DCAF1: variants seen among roughly 807,000 people sequenced by gnomAD.
DCAF1 encodes the protein DDB1- and CUL4-associated factor 1.
Under a neutral mutation model 128.0 loss-of-function variants are expected in DCAF1, and 15 were observed. The ratio of observed to expected loss-of-function variants is 0.12; its 90% confidence interval spans 0.08 to 0.18. The LOEUF (loss-of-function observed/expected upper bound fraction) is 0.18. DCAF1 is among the 10% of genes least tolerant of loss of function. The pLI, the probability that DCAF1 is intolerant of heterozygous loss-of-function variation, is 1.00. For missense variants in DCAF1, 988 were observed against 1,649.5 expected (o/e 0.60, Z 6.95); for synonymous variants, 610 against 603.0 (o/e 1.01, Z -0.17).
At chr3:51,498,376 G>GAA (rs1175129153) in intron 1 of DCAF1, among the ~76,000 whole-genome samples, 56 of 77,854 alleles carry the variant, frequency 7.2e-4, no homozygotes, top group East Asian at 2.2e-3. Context: ...AAAGAAAAAA[G>GAA]AAAAAAAAAA....
chr3:51,456,390 T>C (rs144920960), intron 6 of DCAF1, among the ~76,000 whole-genome samples: 1,584 of 152,264 alleles, frequency 0.01, 19 homozygotes, highest in Non-Finnish European at 0.018. Context: ...GTTAGTTGTT[T>C]GATTAGGTAA....
chr3:51,480,232 T>C (rs1418260979), intron 3 of DCAF1, among the ~76,000 whole-genome samples: 4 of 151,896 alleles, frequency 2.6e-5, no homozygotes, highest in African/African-American at 9.7e-5. Context: ...AGGCCTGCCA[T>C]GCAGACATGC....
At chr3:51,432,027 C>G (rs1700433364) in intron 10 of DCAF1, among the ~76,000 whole-genome samples, 1 of 150,794 alleles carries the variant, frequency 6.6e-6, no homozygotes, top group African/African-American at 2.4e-5. Flanking sequence ...AATCCCAGCA[C>G]TTTGGGAGGC....
intron 22 of DCAF1, 108 bp downstream of exon 22, chr3:51,412,885 G>C: frequency 6.7e-7 from 1 of 1,481,794 alleles, no homozygotes; most frequent in African/African-American, 1.4e-5. Flanking sequence ...CTACCTTCAG[G>C]AATGTATTGA....
At chr3:51,399,698 G>T (rs903111356) in intron 24 of DCAF1, among the ~76,000 whole-genome samples, 1 of 152,154 alleles carries the variant, frequency 6.6e-6, no homozygotes, top group South Asian at 2.1e-4. Flanking sequence ...AGCTTGTAGG[G>T]ACTCTAATAT....
At chr3:51,475,062 C>A (rs1331063965) in intron 3 of DCAF1, among the ~76,000 whole-genome samples, 25 of 151,886 alleles carry the variant, frequency 1.6e-4, no homozygotes, top group African/African-American at 5.8e-4. Context: ...GGATTACAGG[C>A]GTGAGACACT....
Position 51,416,781 on chromosome 3 carries a change from A to G in DCAF1, c.3603+6T>C, listed in dbSNP as rs1698920960. 6.2e-7 allele frequency: 1 copy of G among 1,607,378 alleles called. No individual in the cohort carries two copies. ...AGCTTGAAAACAGTGGTTCTTAAGT[A>G]CTTACGTGGGCAATGTCTCCTTTTG... On this transcript the variant is annotated splice_donor_region_variant and intron_variant, in intron 18 of 24. Transcript: ENST00000684031.
chr3:51,503,697 G>C (rs1708874237), upstream of DCAF1, among the ~76,000 whole-genome samples: 1 of 152,122 alleles, frequency 6.6e-6, no homozygotes, highest in East Asian at 1.9e-4. Flanking sequence ...CATTCACTGG[G>C]TACCCTACTC....
rs1216833384 is a variant in DCAF1, at chr3:51,397,910, G to C, written c.*859C>G. On this transcript the variant is annotated 3_prime_UTR_variant, in exon 25 of 25. Coordinates refer to ENST00000684031, the MANE Select transcript of DCAF1 (RefSeq NM_001387579.1). ...AATACACTTTACATTAAAGAAAAAG[G>C]CCTTTGATTTGTAATTTCCACAATG... 1 of 166,538 alleles carries C rather than the reference G, an allele frequency of 6.0e-6. No individual in the cohort carries two copies. Among genetic ancestry groups the C allele is most frequent in the Non-Finnish European group, 1.5e-5 (1 of 68,084 alleles). The allele number at this position is 166,538 out of a possible 1,614,324, so 10.3% of individuals were successfully genotyped here.
chr3:51,458,691 G>A (rs1212535947), intron 6 of DCAF1, among the ~76,000 whole-genome samples: 51 of 152,060 alleles, frequency 3.4e-4, no homozygotes, highest in African/African-American at 1.1e-3. Flanking sequence ...AAATGTAAAC[G>A]AACAGAAATT....
At chr3:51,413,110 T>A in intron 21 of DCAF1, 44 bp from the exon 22 acceptor site, 1 of 1,611,300 alleles carries the variant, frequency 6.2e-7, no homozygotes, top group South Asian at 1.1e-5. Context: ...ACTATTGCTG[T>A]GACCCTAAAA....
At chr3:51,500,612 C>G (rs1418317914), upstream of DCAF1, among the ~76,000 whole-genome samples, 1 of 152,058 alleles carries the variant, frequency 6.6e-6, no homozygotes, top group Non-Finnish European at 1.5e-5. Flanking sequence ...GATCTCAGCT[C>G]ACTATGACCT....
rs1553638500 is a variant in DCAF1, at chr3:51,441,051, T to C, written c.1047A>G (p.Gln349=). Residue 349 remains glutamine (Q), a synonymous_variant, in exon 9 of 25, where the codon CAA becomes CAG. Coordinates refer to ENST00000684031, the MANE Select transcript of DCAF1 (RefSeq NM_001387579.1). The part of the protein sequence containing the change: ...EYQELLPIFM[Q]LGSRELMMFY... ...ACATCATCAGCTCCCGTGATCCAAG[T>C]TGCATGAATATGGGAAGTAGCTGAA... The C allele has an allele frequency of 3.1e-6, 5 of 1,611,950 alleles. No individual in the cohort carries two copies. The highest frequency in any genetic ancestry group is 4.2e-6 in the Non-Finnish European group (5 of 1,179,040).
intron 1 of DCAF1, among the ~76,000 whole-genome samples, chr3:51,497,866 C>T (rs983098414): frequency 6.6e-6 from 1 of 151,682 alleles, no homozygotes; most frequent in African/African-American, 2.4e-5. Context: ...ATGGCTAACA[C>T]GGTGAAACCC....
At position 51,426,028 on chromosome 3, in the gene DCAF1, T is replaced by C. The variant is rs144187753; in HGVS notation, c.1847+1344A>G. ...TATTTTCGTAATAATAAGATGTCAC[T>C]TTCCTTTTGCACTCTCATTCTCTCA... On this transcript the variant is annotated intron_variant, in intron 13 of 24. Coordinates refer to ENST00000684031, the MANE Select transcript of DCAF1 (RefSeq NM_001387579.1). 4.0e-3 allele frequency among the ~76,000 whole-genome samples: 613 copies of C among 152,320 alleles called. 22 individuals are homozygous for C. Among genetic ancestry groups the C allele is most frequent in the Admixed American group, 0.034 (519 of 15,300 alleles).
chr3:51,473,536 A>G (rs1485389071), intron 3 of DCAF1, among the ~76,000 whole-genome samples: 3 of 150,526 alleles, frequency 2.0e-5, no homozygotes, highest in Non-Finnish European at 3.0e-5. Context: ...GAAAAAAAAA[A>G]CAGGGTCTCA....
At chr3:51,465,349 G>A (rs1204647481) in intron 5 of DCAF1, among the ~76,000 whole-genome samples, 1 of 152,164 alleles carries the variant, frequency 6.6e-6, no homozygotes, top group Non-Finnish European at 1.5e-5. Context: ...AGGTGTATAT[G>A]GGAGACACCC....
rs782560093 is a variant in DCAF1 at position 51,441,339 on chromosome 3, C to T, written c.1026+46G>A. 14 of 1,553,586 alleles carry T rather than the reference C, an allele frequency of 9.0e-6. No individual in the cohort carries two copies. The South Asian group carries it at 1.3e-4, about 15-fold the overall frequency. On this transcript the variant is annotated intron_variant, in intron 8 of 24. Transcript: ENST00000684031. ...TACCATAAAATACCACAGAAATGAA[C>T]ACAATAATTCCTATGTGTGAACAGT...
intron 6 of DCAF1, among the ~76,000 whole-genome samples, chr3:51,448,901 T>C (rs1553640880): frequency 6.6e-6 from 1 of 151,934 alleles, no homozygotes; most frequent in East Asian, 1.9e-4. Context: ...ATAGAACTTT[T>C]TCCATGTTCT....
Sources: allele counts gnomAD v4.1 joint callset (sites outside exome capture counted in the v4.1 genomes callset), GRCh38; gene constraint gnomAD v4.1.1; transcripts MANE v1.5; gene names NCBI Gene and HGNC (gene_info 2026-07-23, HGNC 2026-07-21).